The following MICAL2 variants were observed in gnomAD, a reference collection of about 807,000 sequenced individuals.
MICAL2 encodes the protein [F-actin]-monooxygenase MICAL2.
Under a neutral mutation model 127.3 loss-of-function variants are expected in MICAL2, and 77 were observed. That is an observed-to-expected ratio of 0.60 (90% confidence interval 0.50 to 0.73). MICAL2 has a LOEUF of 0.73. Ranked by LOEUF, MICAL2 falls within the 30% of genes least tolerant of loss-of-function variation. MICAL2 has a pLI of 0.00. For missense variants in MICAL2, 1,351 were observed against 1,434.4 expected (o/e 0.94, Z 0.94); for synonymous variants, 570 against 551.1 (o/e 1.03, Z -0.48).
At chr11:12,140,365 G>C (rs1852228358) in intron 2 of MICAL2, among the ~76,000 whole-genome samples, 2 of 152,166 alleles carry the variant, frequency 1.3e-5, no homozygotes. Flanking sequence ...GGCTGAGCTG[G>C]GACATGGCCC....
chr11:12,292,255 C>G (rs924221325), downstream of MICAL2: 1 of 1,613,984 alleles, frequency 6.2e-7, no homozygotes, highest in Non-Finnish European at 8.5e-7. Flanking sequence ...CTTCTTCAAC[C>G]AGTGTTTCTG....
chr11:12,115,111 G>A (rs1307251861), intron 1 of MICAL2, among the ~76,000 whole-genome samples: 1 of 152,194 alleles, frequency 6.6e-6, no homozygotes, highest in African/African-American at 2.4e-5. Context: ...GGCAAGTTGT[G>A]GTGCCTTCTT....
intron 3 of MICAL2, among the ~76,000 whole-genome samples, chr11:12,169,695 C>G (rs2133865493): frequency 6.6e-6 from 1 of 152,328 alleles, no homozygotes; most frequent in Non-Finnish European, 1.5e-5. Context: ...AGCACAATTT[C>G]TTTAGCTTAG....
chr11:12,278,529 T>A (rs975443407), intron 1 of MICAL2, among the ~76,000 whole-genome samples: 1 of 152,210 alleles, frequency 6.6e-6, no homozygotes, highest in African/African-American at 2.4e-5. Flanking sequence ...GACTAAAACA[T>A]CATTATGAAA....
intron 18 of MICAL2, among the ~76,000 whole-genome samples, chr11:12,241,581 C>T (rs1010021254): frequency 7.2e-5 from 11 of 152,214 alleles, no homozygotes; most frequent in African/African-American, 9.6e-5. Context: ...TGGGATGTGG[C>T]GAAGGCCTTG....
At chr11:12,275,934 G>T, upstream of MICAL2, 1 of 399,134 alleles carries the variant, frequency 2.5e-6, no homozygotes, top group Non-Finnish European at 4.4e-6. Flanking sequence ...GAAGGGTCCT[G>T]CTAGGCCATT....
intron 1 of MICAL2, among the ~76,000 whole-genome samples, chr11:12,132,743 A>G (rs1244656469): frequency 1.3e-5 from 2 of 152,228 alleles, no homozygotes; most frequent in Admixed American, 6.5e-5. Context: ...TCTTCTTGAC[A>G]TGATTGTAGT....
chr11:12,197,779 C>T (rs1311697854), intron 3 of MICAL2: 1 of 152,214 alleles, frequency 6.6e-6, no homozygotes, highest in Non-Finnish European at 1.5e-5. Flanking sequence ...CCTGAAAATC[C>T]AGACCCTGCA....
intron 3 of MICAL2, among the ~76,000 whole-genome samples, chr11:12,163,131 A>G (rs952759638): frequency 2.0e-5 from 3 of 152,140 alleles, no homozygotes; most frequent in African/African-American, 7.2e-5. Flanking sequence ...GCCTACACGA[A>G]CTGGTTGCAT....
chr11:12,220,303 C>T lies in MICAL2; in HGVS notation c.1051C>T (p.Leu351=). 1 of 1,614,248 alleles carries T rather than the reference C, an allele frequency of 6.2e-7. No individual in the cohort carries two copies. The highest frequency in any genetic ancestry group is 1.1e-5 in the South Asian group (1 of 91,090). The change falls in exon 9 of 28, where the codon CTG becomes TTG. Residue 351 remains leucine, a synonymous_variant. Transcript: ENST00000683283. ...EAADFATNYQ[L]PSLDFAMNHY... ...TGCAGACTTTGCCACCAACTACCAG[C>T]TGCCATCCTTAGACTTTGCCATGAA...
chr11:12,113,538 G>A (rs1054505052), intron 1 of MICAL2, among the ~76,000 whole-genome samples: 5 of 152,232 alleles, frequency 3.3e-5, no homozygotes, highest in African/African-American at 1.2e-4. Flanking sequence ...CCTCTGCTGC[G>A]CAGTCATCTC....
chr11:12,276,349 C>T (rs1198110388), intron 1 of MICAL2: 9 of 394,710 alleles, frequency 2.3e-5, no homozygotes, highest in Non-Finnish European at 4.0e-5. Flanking sequence ...TCACAGAATT[C>T]ATATGTGTTA....
chr11:12,356,595 C>G (rs998578814), intron 34 of MICAL2, among the ~76,000 whole-genome samples: 5 of 152,184 alleles, frequency 3.3e-5, no homozygotes, highest in Admixed American at 2.6e-4. Flanking sequence ...TCATCCGTAG[C>G]CTGCCCACTC....
rs1194483238 is a variant in MICAL2 at position 12,246,702 on chromosome 11, G to A, written c.2785-2482G>A. Reference sequence around the variant, plus strand: ...TGCGTCCTCAAACTTTGGGACTCGAGTGATCCTCCTGCCTCAGCCTTCCAC... The same window carrying A: ...TGCGTCCTCAAACTTTGGGACTCGAATGATCCTCCTGCCTCAGCCTTCCAC... On this transcript the variant is annotated intron_variant, in intron 21 of 27. Transcript: ENST00000683283. Among the ~76,000 whole-genome samples the A allele has an allele frequency of 2.0e-5, 3 of 152,142 alleles. No homozygotes were observed. The East Asian group carries it at 5.8e-4, about 29-fold the overall frequency.
intron 3 of MICAL2, among the ~76,000 whole-genome samples, chr11:12,169,338 G>A (rs1855953249): frequency 6.6e-6 from 1 of 151,776 alleles, no homozygotes; most frequent in Non-Finnish European, 1.5e-5. Context: ...TGTCTTTTAT[G>A]GTTTCTCATT....
At chr11:12,113,213 G>T (rs999211288) in intron 1 of MICAL2, among the ~76,000 whole-genome samples, 2 of 152,152 alleles carry the variant, frequency 1.3e-5, no homozygotes, top group Admixed American at 1.3e-4. Context: ...AAGAAGTGGG[G>T]TTAACTGCAT....
chr11:12,343,850 A>T (rs953393963), intron 32 of MICAL2, among the ~76,000 whole-genome samples: 1 of 152,208 alleles, frequency 6.6e-6, no homozygotes, highest in Non-Finnish European at 1.5e-5. Flanking sequence ...TAATCTAGAA[A>T]CATTAAACAA....
At chr11:12,192,207 C>T (rs1859271302) in intron 3 of MICAL2, among the ~76,000 whole-genome samples, 1 of 152,184 alleles carries the variant, frequency 6.6e-6, no homozygotes, top group Non-Finnish European at 1.5e-5. Flanking sequence ...TCTAAGGTCC[C>T]TTTCAGCTTG....
chr11:12,345,006 G>T (rs1010922916), intron 32 of MICAL2, among the ~76,000 whole-genome samples: 1 of 151,700 alleles, frequency 6.6e-6, no homozygotes, highest in African/African-American at 2.4e-5. Flanking sequence ...CAGCTACTCG[G>T]GAGGCTGAGG....
Sources: allele counts gnomAD v4.1 joint callset (sites outside exome capture counted in the v4.1 genomes callset), GRCh38; gene constraint gnomAD v4.1.1; transcripts MANE v1.5; gene names NCBI Gene and HGNC (gene_info 2026-07-23, HGNC 2026-07-21).